SLCO1A2: variants seen among roughly 807,000 people sequenced by gnomAD.
SLCO1A2 encodes solute carrier organic anion transporter family member 1A2, also known as OATP-1.
SLCO1A2 carries 67 observed loss-of-function variants against 69.0 expected under a neutral mutation model. That is an observed-to-expected ratio of 0.97 (90% CI 0.80 to 1.19). SLCO1A2 has a LOEUF of 1.19. SLCO1A2 is among the 50% of genes most tolerant of loss of function. The pLI is 0.00. For synonymous variants in SLCO1A2, 260 were observed against 265.9 expected, an observed-to-expected ratio of 0.98 and a Z score of 0.22; for missense variants, 787 against 793.7, an observed-to-expected ratio of 0.99 and a Z score of 0.10.
At chr12:21,323,528 A>C (rs1236099768) in intron 2 of SLCO1A2, among the ~76,000 whole-genome samples, 1 of 152,128 alleles carries the variant, frequency 6.6e-6, no homozygotes, top group African/African-American at 2.4e-5. Flanking sequence ...TGGCACCACT[A>C]CACTCCAGCC....
At chr12:21,287,015 C>A (rs1274245783) in intron 12 of SLCO1A2, among the ~76,000 whole-genome samples, 1 of 132,240 alleles carries the variant, frequency 7.6e-6, no homozygotes, top group Non-Finnish European at 1.7e-5. Flanking sequence ...CAAATGGGAT[C>A]TAATTAAACT....
intron 1 of SLCO1A2, among the ~76,000 whole-genome samples, chr12:21,392,384 G>A (rs1294369001): frequency 6.6e-6 from 1 of 152,138 alleles, no homozygotes; most frequent in Non-Finnish European, 1.5e-5. Flanking sequence ...GGTGGATCCA[G>A]CCACAGCCTT....
chr12:21,316,827 T>C (rs1387827802), intron 3 of SLCO1A2, among the ~76,000 whole-genome samples: 1 of 152,308 alleles, frequency 6.6e-6, no homozygotes. Context: ...AGTTCCCCAG[T>C]GCTTCAGACT....
chr12:21,339,211 A>G (rs1016302091), upstream of SLCO1A2, among the ~76,000 whole-genome samples: 1 of 152,026 alleles, frequency 6.6e-6, no homozygotes, highest in African/African-American at 2.4e-5. Context: ...GGTACTGGGG[A>G]TACAAAGATG....
Position 21,318,779 on chromosome 12 carries a change from T to C in SLCO1A2, c.202+3A>G. ...AAGAAGAAATGCAAAAATAATTCAT[T>C]ACCAATCTCAAAGCTTCCATTAATG... On this transcript the variant is annotated splice_donor_region_variant and intron_variant, in intron 3 of 14. Coordinates refer to ENST00000683939, the MANE Select transcript of SLCO1A2 (RefSeq NM_001386879.1). The C allele has an allele frequency of 6.3e-7, 1 of 1,592,418 alleles. No individual in the cohort carries two copies. The highest frequency in any genetic ancestry group is 8.5e-7 in the Non-Finnish European group (1 of 1,173,894).
At chr12:21,378,598 A>G in intron 1 of SLCO1A2, 1 of 547,264 alleles carries the variant, frequency 1.8e-6, no homozygotes, top group Middle Eastern at 4.8e-4. Flanking sequence ...CTAAGGTCCC[A>G]TAATAAAAAG....
intron 14 of SLCO1A2, among the ~76,000 whole-genome samples, chr12:21,270,478 A>T (rs1289214131): frequency 6.6e-6 from 1 of 151,654 alleles, no homozygotes; most frequent in Admixed American, 6.6e-5. Flanking sequence ...GTCCAGTGTG[A>T]TTATTAAGAT....
intron 2 of SLCO1A2, chr12:21,319,645 C>CTTG: frequency 2.7e-6 from 1 of 376,480 alleles, no homozygotes; most frequent in Non-Finnish European, 5.1e-6. Flanking sequence ...TTTCCTGAAC[C>CTTG]TTGGAGAATC....
intron 2 of SLCO1A2, among the ~76,000 whole-genome samples, chr12:21,341,182 A>T (rs1953056925): frequency 6.6e-6 from 1 of 151,958 alleles, no homozygotes; most frequent in African/African-American, 2.4e-5. Context: ...GAGAATCGTA[A>T]CTACCCTAAG....
At chr12:21,397,450 A>G (rs905505617), upstream of SLCO1A2, among the ~76,000 whole-genome samples, 1 of 151,730 alleles carries the variant, frequency 6.6e-6, no homozygotes, top group African/African-American at 2.4e-5. Flanking sequence ...CACTGTCAAC[A>G]TTAGACAGAT....
At chr12:21,369,635 C>G (rs1182105072) in intron 2 of SLCO1A2, among the ~76,000 whole-genome samples, 2 of 152,164 alleles carry the variant, frequency 1.3e-5, no homozygotes, top group Non-Finnish European at 2.9e-5. Context: ...CAGTTTTTCT[C>G]CAACTGTAGT....
intron 1 of SLCO1A2, among the ~76,000 whole-genome samples, chr12:21,386,920 T>C (rs1410416357): frequency 6.6e-6 from 1 of 152,132 alleles, no homozygotes; most frequent in African/African-American, 2.4e-5. Flanking sequence ...TGGAACTTCC[T>C]AGAGACTTGT....
In SLCO1A2 at chr12:21,267,495, C is replaced by T. The variant is rs1365186576; in HGVS notation, c.*2053G>A. Reference sequence around the variant, plus strand: ...ACACTCACTGTTTCACCAACACTATCTGCCTTGAATCCGTAAGAACTAACC... The same window carrying T: ...ACACTCACTGTTTCACCAACACTATTTGCCTTGAATCCGTAAGAACTAACC... On this transcript the variant is annotated 3_prime_UTR_variant, in exon 15 of 15. Transcript: ENST00000683939. 1 of 152,172 alleles carries T rather than the reference C, an allele frequency of 6.6e-6. No individual in the cohort carries two copies. The highest frequency in any genetic ancestry group is 1.5e-5 in the Non-Finnish European group (1 of 68,042). The allele number at this position is 152,172 out of a possible 1,614,324, so 9.4% of individuals were successfully genotyped here. A position where few individuals can be genotyped will look rare whatever the true frequency, so the allele number is the denominator to read the frequency against.
At chr12:21,335,149 C>G (rs1360229175), upstream of SLCO1A2, among the ~76,000 whole-genome samples, 1 of 151,940 alleles carries the variant, frequency 6.6e-6, no homozygotes, top group Non-Finnish European at 1.5e-5. Context: ...TGGCCAGGCT[C>G]TCTTTTCAAG....
chr12:21,372,675 T>C (rs1484741914), intron 2 of SLCO1A2, among the ~76,000 whole-genome samples: 1 of 152,246 alleles, frequency 6.6e-6, no homozygotes, highest in Admixed American at 6.5e-5. Flanking sequence ...AAATTCAAAC[T>C]TCTGCTGTGT....
At chr12:21,336,449 A>C (rs1228558182), upstream of SLCO1A2, among the ~76,000 whole-genome samples, 2 of 152,098 alleles carry the variant, frequency 1.3e-5, no homozygotes, top group East Asian at 3.9e-4. Flanking sequence ...AAAATGTTTT[A>C]ACATATTGAA....
At position 21,319,319 on chromosome 12, in the gene SLCO1A2, C is replaced by T. The variant is rs568534627; in HGVS notation, c.61-396G>A. On this transcript the variant is annotated intron_variant, in intron 2 of 14. Transcript: ENST00000683939. ...GCAGAATTATACAAAGACATTATTTCGGTAGCAAATATACTTAAGTTCTCT... is the reference window on the plus strand; with the variant it reads ...GCAGAATTATACAAAGACATTATTTTGGTAGCAAATATACTTAAGTTCTCT... 884 of 1,359,648 alleles carry T rather than the reference C, an allele frequency of 6.5e-4. 15 individuals are homozygous for T. The highest frequency in any genetic ancestry group is 6.1e-3 in the South Asian group (539 of 87,866). The allele number at this position is 1,359,648 out of a possible 1,614,324, so 84.2% of individuals were successfully genotyped here.
intron 12 of SLCO1A2, among the ~76,000 whole-genome samples, chr12:21,289,763 A>G (rs1946543928): frequency 6.6e-6 from 1 of 152,062 alleles, no homozygotes; most frequent in Admixed American, 6.6e-5. Context: ...TAAAAAAAAA[A>G]AAAAGCAGCC....
chr12:21,347,561 C>A (rs968253922), intron 2 of SLCO1A2, among the ~76,000 whole-genome samples: 2 of 152,038 alleles, frequency 1.3e-5, no homozygotes, highest in African/African-American at 4.8e-5. Flanking sequence ...AGGAGAATTT[C>A]TTGAACCCAG....
Sources: gnomAD v4.1 joint callset for allele counts (sites outside exome capture counted in the v4.1 genomes callset) on GRCh38, gnomAD v4.1.1 for gene constraint, MANE v1.5 for transcripts, NCBI Gene and HGNC (gene_info 2026-07-23, HGNC 2026-07-21) for gene names.